The following GRIA1 variants were observed in gnomAD, a reference collection of about 807,000 sequenced individuals.
GRIA1 encodes glutamate ionotropic receptor AMPA type subunit 1, also known as glutamate receptor 1.
A neutral mutation model predicts 99.2 loss-of-function variants in GRIA1; 31 were observed. The ratio of observed to expected loss-of-function variants is 0.31; its 90% CI spans 0.23 to 0.42. GRIA1 has a LOEUF of 0.42. Ranked by LOEUF, GRIA1 falls within the 10% of genes least tolerant of loss-of-function variation. The pLI is 1.00. For synonymous variants in GRIA1, 438 were observed against 432.4 expected (o/e 1.01, Z -0.16); for missense variants, 782 against 1,157.5 (o/e 0.68, Z 4.71).
At chr5:153,555,015 C>A (rs369951488) in intron 2 of GRIA1, among the ~76,000 whole-genome samples, 4 of 152,244 alleles carry the variant, frequency 2.6e-5, no homozygotes, top group African/African-American at 9.6e-5. Flanking sequence ...TTTGAGAACA[C>A]ATGGGTTCCT....
chr5:153,762,538 C>T (rs907583878), intron 11 of GRIA1, among the ~76,000 whole-genome samples: 4 of 152,196 alleles, frequency 2.6e-5, no homozygotes, highest in African/African-American at 9.7e-5. Flanking sequence ...TTGTAACTAT[C>T]TTGCTTGACT....
At chr5:153,547,533 C>G (rs990130078) in intron 2 of GRIA1, among the ~76,000 whole-genome samples, 4 of 152,146 alleles carry the variant, frequency 2.6e-5, no homozygotes, top group Non-Finnish European at 5.9e-5. Context: ...TTCTTATTCC[C>G]CATGTGGGAG....
intron 11 of GRIA1, among the ~76,000 whole-genome samples, chr5:153,745,387 A>C (rs1762079670): frequency 6.6e-6 from 1 of 152,036 alleles, no homozygotes; most frequent in Non-Finnish European, 1.5e-5. Flanking sequence ...CAGGAGTTTG[A>C]GACCAGCCTG....
At chr5:153,522,045 G>A (rs1447760631) in intron 2 of GRIA1, among the ~76,000 whole-genome samples, 1 of 152,174 alleles carries the variant, frequency 6.6e-6, no homozygotes, top group Non-Finnish European at 1.5e-5. Flanking sequence ...CATGCCACCT[G>A]GAGAAAGTGA....
At chr5:153,566,516 G>T (rs1280855138) in intron 2 of GRIA1, among the ~76,000 whole-genome samples, 1 of 150,602 alleles carries the variant, frequency 6.6e-6, no homozygotes, top group African/African-American at 2.4e-5. Context: ...ATGTTGGCCA[G>T]GTTGGTCTCG....
At chr5:153,520,006 T>C (rs957813156) in intron 2 of GRIA1, among the ~76,000 whole-genome samples, 10 of 152,166 alleles carry the variant, frequency 6.6e-5, no homozygotes, top group African/African-American at 2.4e-4. Flanking sequence ...AGTAAAGAGA[T>C]GTATCTGTGA....
intron 10 of GRIA1, among the ~76,000 whole-genome samples, chr5:153,701,439 C>A (rs568087964): frequency 6.6e-6 from 1 of 151,730 alleles, no homozygotes; most frequent in African/African-American, 2.4e-5. Flanking sequence ...ACAGTGAAAC[C>A]CCATCTCTAC....
In GRIA1 at chr5:153,790,670, G is replaced by C. The variant is rs144235042; in HGVS notation, c.2271-3951G>C. ...TTATTGTTGTCCTTCCTATTTCTTT[G>C]ATTATTTGAACATCTTTACTTCTAT... On this transcript the variant is annotated intron_variant, in intron 13 of 15. Transcript: ENST00000285900. Among the ~76,000 whole-genome samples the C allele has an allele frequency of 3.8e-3, 582 of 152,222 alleles. 7 individuals carry two copies. Among genetic ancestry groups the C allele is most frequent in the African/African-American group, 0.013 (548 of 41,528 alleles).
At chr5:153,625,998 C>T (rs1354958762) in intron 2 of GRIA1, among the ~76,000 whole-genome samples, 2 of 152,146 alleles carry the variant, frequency 1.3e-5, no homozygotes, top group African/African-American at 4.8e-5. Context: ...GGAGAGTCAA[C>T]TGACTGTCAC....
intron 2 of GRIA1, among the ~76,000 whole-genome samples, chr5:153,521,064 A>C (rs1447000328): frequency 6.6e-6 from 1 of 152,230 alleles, no homozygotes; most frequent in African/African-American, 2.4e-5. Context: ...TTCAAAAACA[A>C]ATGAGGAAAA....
chr5:153,519,348 C>G (rs1213476236), intron 2 of GRIA1, among the ~76,000 whole-genome samples: 17 of 151,976 alleles, frequency 1.1e-4, no homozygotes, highest in Admixed American at 9.8e-4. Context: ...GGGCTCAGCA[C>G]TCTGTTTTAA....
intron 10 of GRIA1, among the ~76,000 whole-genome samples, chr5:153,704,707 A>G (rs1320862076): frequency 6.6e-6 from 1 of 152,208 alleles, no homozygotes; most frequent in East Asian, 1.9e-4. Context: ...GCAACCTGTC[A>G]AAGTCCTACC....
chr5:153,549,268 A>G (rs1759898564), intron 2 of GRIA1, among the ~76,000 whole-genome samples: 1 of 152,198 alleles, frequency 6.6e-6, no homozygotes, highest in Non-Finnish European at 1.5e-5. Flanking sequence ...ATTAGTAATC[A>G]GGCTCACTGA....
At chr5:153,630,736 A>T (rs532133803) in intron 2 of GRIA1, among the ~76,000 whole-genome samples, 17 of 152,282 alleles carry the variant, frequency 1.1e-4, no homozygotes, top group African/African-American at 4.1e-4. Flanking sequence ...AGCTGTCTTG[A>T]AGGAGACAAT....
chr5:153,565,217 G>T (rs148038137), intron 2 of GRIA1, among the ~76,000 whole-genome samples: 2 of 152,080 alleles, frequency 1.3e-5, no homozygotes, highest in African/African-American at 2.4e-5. Flanking sequence ...ACCTGTGATC[G>T]TATAAGAAAG....
rs551128979 is a variant in GRIA1 at position 153,675,482 on chromosome 5, G to A, written c.861+821G>A. On this transcript the variant is annotated intron_variant, in intron 6 of 15. Coordinates refer to ENST00000285900, the MANE Select transcript of GRIA1 (RefSeq NM_000827.4). ...GAGAATGCTTGGGAATAAGGATAGC[G>A]AATGATTCTTTTTCTGAAGTCAAAC... 3.3e-5 allele frequency among the ~76,000 whole-genome samples: 5 copies of A among 152,304 alleles called. No individual in the cohort carries two copies. The South Asian group carries it at 6.2e-4, about 19-fold the overall frequency.
intron 11 of GRIA1, among the ~76,000 whole-genome samples, chr5:153,731,360 G>T (rs1371929972): frequency 6.6e-6 from 1 of 151,656 alleles, no homozygotes; most frequent in East Asian, 1.9e-4. Flanking sequence ...TCTATTCCAT[G>T]CTGTCTCTCT....
intron 2 of GRIA1, among the ~76,000 whole-genome samples, chr5:153,524,066 G>T (rs1016756600): frequency 6.6e-6 from 1 of 152,208 alleles, no homozygotes; most frequent in Admixed American, 6.5e-5. Context: ...AGTGGCTCAC[G>T]CCTGTAATCC....
intron 11 of GRIA1, among the ~76,000 whole-genome samples, chr5:153,740,609 G>A (rs1399162505): frequency 6.6e-6 from 1 of 152,222 alleles, no homozygotes; most frequent in Non-Finnish European, 1.5e-5. Context: ...AGTTGCTGTG[G>A]GAGAGGAACT....
Sources: allele counts gnomAD v4.1 joint callset (sites outside exome capture counted in the v4.1 genomes callset), GRCh38; gene constraint gnomAD v4.1.1; transcripts MANE v1.5; gene names NCBI Gene and HGNC (gene_info 2026-07-23, HGNC 2026-07-21).